Variants in ARHGAP5 observed in about 807,000 individuals in gnomAD.
ARHGAP5 encodes the protein rho GTPase-activating protein 5.
In ARHGAP5, 23 loss-of-function variants were observed where a neutral mutation model predicts 116.6. The ratio of observed to expected loss-of-function variants is 0.20; its 90% CI spans 0.14 to 0.28. The LOEUF is 0.28. ARHGAP5 is among the 10% of genes least tolerant of loss of function. The pLI is 1.00. For missense variants in ARHGAP5, 1,405 were observed against 1,774.8 expected (o/e 0.79, Z 3.74); for synonymous variants, 574 against 602.0 (o/e 0.95, Z 0.68).
chr14:32,153,521 G>A (rs112571547), intron 6 of ARHGAP5, among the ~76,000 whole-genome samples: 3 of 134,228 alleles, frequency 2.2e-5, no homozygotes, highest in African/African-American at 8.3e-5. Context: ...TCGCCAGGCT[G>A]GAGTTCAGTG....
intron 3 of ARHGAP5, among the ~76,000 whole-genome samples, chr14:32,135,274 C>G (rs1880729260): frequency 6.6e-6 from 1 of 152,160 alleles, no homozygotes; most frequent in Admixed American, 6.5e-5. Flanking sequence ...GCAAAAAATA[C>G]ATTTAACTGG....
At chr14:32,085,503 C>CT (rs1442830306) in intron 1 of ARHGAP5, among the ~76,000 whole-genome samples, 3 of 152,174 alleles carry the variant, frequency 2.0e-5, no homozygotes, top group Non-Finnish European at 4.4e-5. Flanking sequence ...CTCTGTTCAT[C>CT]TTTTTGTTGT....
intron 1 of ARHGAP5, among the ~76,000 whole-genome samples, chr14:32,089,889 A>C (rs1233132058): frequency 4.6e-5 from 7 of 151,944 alleles, no homozygotes; most frequent in Non-Finnish European, 8.8e-5. Flanking sequence ...ATTTGTATTA[A>C]GTGTTCACTT....
Position 32,154,911 on chromosome 14 carries a change from A to G in ARHGAP5, c.4472A>G (p.Gln1491Arg). 1 of 1,613,856 alleles carries G rather than the reference A, an allele frequency of 6.2e-7. No individual in the cohort carries two copies. Among genetic ancestry groups the G allele is most frequent in the Middle Eastern group, 1.7e-4 (1 of 6,058 alleles). The change falls in exon 7 of 7, where the codon CAA becomes CGA. Residue 1491 changes from glutamine to arginine, a missense_variant. Physicochemically the swap from Gln to Arg is conservative, Grantham distance 43. Coordinates refer to ENST00000345122, the MANE Select transcript of ARHGAP5 (RefSeq NM_001030055.2). ...CCACCATTGCAACCTCAGCTGATAC[A>G]ACCACAATTACAAACGGATCCTCTT... ...LPPPLQPQLI[Q>R]PQLQTDPLGI...
chr14:32,144,002 A>G (rs1010105231), intron 3 of ARHGAP5, among the ~76,000 whole-genome samples: 3 of 152,174 alleles, frequency 2.0e-5, no homozygotes, highest in African/African-American at 7.2e-5. Context: ...CTTGAGGTGC[A>G]TTATGCCCCC....
chr14:32,099,519 A>G (rs1342843732), intron 2 of ARHGAP5, among the ~76,000 whole-genome samples: 1 of 152,180 alleles, frequency 6.6e-6, no homozygotes, highest in East Asian at 1.9e-4. Context: ...TGGTTCCCTC[A>G]CCTATAAATT....
intron 4 of ARHGAP5, 92 bp from the exon 5 acceptor site, chr14:32,149,810 A>C: frequency 1.4e-6 from 1 of 740,162 alleles, no homozygotes; most frequent in Non-Finnish European, 1.9e-6. Flanking sequence ...CCCAAGACTT[A>C]AAGTTATCTT....
Position 32,077,482 on chromosome 14 carries a change from C to T in ARHGAP5, c.-169+47C>T, listed in dbSNP as rs1252502191. The T allele has an allele frequency of 5.9e-6, 4 of 682,374 alleles. No individual in the cohort carries two copies. In the Admixed American group the frequency reaches 6.3e-5, roughly 11 times the overall value. The allele number at this position is 682,374 out of a possible 1,614,324, so 42.3% of individuals were successfully genotyped here. Reference sequence around the variant, plus strand: ...TCCTCCAAGCCTGCCTGCCCCCTCCCGGACGGGGACCCTCCTGCGGCTAGC... The same window carrying T: ...TCCTCCAAGCCTGCCTGCCCCCTCCTGGACGGGGACCCTCCTGCGGCTAGC... On this transcript the variant is annotated intron_variant, in intron 1 of 6. Coordinates refer to ENST00000345122, the MANE Select transcript of ARHGAP5 (RefSeq NM_001030055.2).
chr14:32,108,375 G>C (rs1048634881), intron 2 of ARHGAP5, among the ~76,000 whole-genome samples: 16 of 152,070 alleles, frequency 1.1e-4, no homozygotes, highest in African/African-American at 3.4e-4. Context: ...GGAGAAAAGT[G>C]ATGGGGAATA....
At chr14:32,098,143 T>C (rs982097591) in intron 2 of ARHGAP5, among the ~76,000 whole-genome samples, 1 of 152,186 alleles carries the variant, frequency 6.6e-6, no homozygotes, top group African/African-American at 2.4e-5. Context: ...ATTAACAGAA[T>C]AGCATGGACA....
chr14:32,121,323 G>A (rs1032478614), intron 3 of ARHGAP5, among the ~76,000 whole-genome samples: 4 of 151,938 alleles, frequency 2.6e-5, no homozygotes, highest in Non-Finnish European at 5.9e-5. Context: ...TTTGAGTAGT[G>A]TTTGTGATAT....
chr14:32,112,277 T>C (rs1879346170), intron 2 of ARHGAP5, among the ~76,000 whole-genome samples: 1 of 152,244 alleles, frequency 6.6e-6, no homozygotes, highest in South Asian at 2.1e-4. Context: ...GTTTGGTTTT[T>C]TAAAAATGTT....
rs181754222 is a variant in ARHGAP5 at position 32,092,452 on chromosome 14, A to G, written c.1783A>G (p.Lys595Glu). ...ATATCACGATAGTACCAATATAGAT[A>G]AAGTTAACCTTTTTATTTTAGGGAA... ...RLYHDSTNID[K>E]VNLFILGKDG... Residue 595 changes from lysine to glutamate, a missense_variant, in exon 2 of 7, where the codon AAA (lysine) becomes GAA (glutamate). This residue lies in a region of ARHGAP5 where 944 missense variants were observed against 1,095.3 expected (regional missense o/e 0.86). Transcript: ENST00000345122. This position sits in a 1 kb window ranked among gnomAD's most constrained non-coding sequence, Gnocchi z 4.1. 2 of 1,613,980 alleles carry G rather than the reference A, an allele frequency of 1.2e-6. No individual in the cohort carries two copies. Among genetic ancestry groups the G allele is most frequent in the African/African-American group, 2.7e-5 (2 of 75,046 alleles).
Position 32,092,320 on chromosome 14 carries a change from C to T in ARHGAP5, c.1651C>T (p.His551Tyr). 1 of 1,613,826 alleles carries T rather than the reference C, an allele frequency of 6.2e-7. No homozygotes were observed. ...ACTTAAGCATATAGGATTTGTTTAT[C>T]ATCCCACTAAAGAAACATGTCTTAG... ...LLLKHIGFVY[H>Y]PTKETCLSGQ... The change falls in exon 2 of 7, where the codon CAT becomes TAT. Residue 551 changes from histidine to tyrosine, a missense_variant. Around this residue, in one of 6 missense-constraint regions of ARHGAP5, gnomAD observed 944 missense variants for 1,095.3 expected, o/e 0.86. Transcript: ENST00000345122. This position sits in a 1 kb window ranked among gnomAD's most constrained non-coding sequence, Gnocchi z 4.1.
chr14:32,092,031 G>T lies in ARHGAP5; in HGVS notation c.1362G>T (p.Met454Ile), dbSNP rs143684972. 6.2e-7 allele frequency: 1 copy of T among 1,613,720 alleles called. No homozygotes were observed. Among genetic ancestry groups the T allele is most frequent in the Non-Finnish European group, 8.5e-7 (1 of 1,179,742 alleles). Residue 454 changes from methionine (M) to isoleucine (I), a missense_variant, in exon 2 of 7, where the codon ATG becomes ATT. Transcript: ENST00000345122. This position sits in a 1 kb window ranked among gnomAD's most constrained non-coding sequence, Gnocchi z 4.1. ...CAGGGCAGCCATGGGAGGAAGTTAT[G>T]TGCTTTGTTATGGAGGATGAAGCCT... ...ISPGQPWEEV[M>I]CFVMEDEAYK...
chr14:32,135,564 G>A (rs148930017), intron 3 of ARHGAP5, among the ~76,000 whole-genome samples: 71 of 152,196 alleles, frequency 4.7e-4, no homozygotes, highest in African/African-American at 1.5e-3. Context: ...CTGGGTTTAC[G>A]GGCACATGCC....
At chr14:32,140,595 A>C (rs1217499466) in intron 3 of ARHGAP5, among the ~76,000 whole-genome samples, 1 of 152,148 alleles carries the variant, frequency 6.6e-6, no homozygotes, top group Non-Finnish European at 1.5e-5. Flanking sequence ...GTCTCAAAAA[A>C]AGAAAAAAGA....
rs1037625327 is a variant in ARHGAP5 at position 32,154,487 on chromosome 14, T to C, written c.4182-134T>C. 6.2e-6 allele frequency: 5 copies of C among 811,016 alleles called. No individual in the cohort carries two copies. In the Admixed American group the frequency reaches 1.2e-4, roughly 19 times the overall value. The allele number at this position is 811,016 out of a possible 1,614,324, so 50.2% of individuals were successfully genotyped here. ...TTACATACGAATTAAAGATGCTTCT[T>C]TATGCAAATTTTTAAACCCCAGGTT... On this transcript the variant is annotated intron_variant, in intron 6 of 6. Coordinates refer to ENST00000345122, the MANE Select transcript of ARHGAP5 (RefSeq NM_001030055.2).
intron 6 of ARHGAP5, chr14:32,154,376 C>T (rs1881796952): frequency 2.5e-6 from 1 of 403,712 alleles, no homozygotes; most frequent in East Asian, 4.9e-5. Context: ...GTCGAACTCC[C>T]AACCTCAGGT....
Sources: gnomAD v4.1 joint callset for allele counts (sites outside exome capture counted in the v4.1 genomes callset) on GRCh38, gnomAD v4.1.1 for gene constraint, gnomAD v4.1.1 regional missense constraint, Gnocchi (gnomAD v3.1) non-coding constraint, MANE v1.5 for transcripts, NCBI Gene and HGNC (gene_info 2026-07-23, HGNC 2026-07-21) for gene names.